Variants in XKR9 observed in about 807,000 individuals in gnomAD.
The protein encoded by XKR9 is XK related 9, also known as XK-related protein 9.
Under a neutral mutation model 32.0 loss-of-function variants are expected in XKR9, and 32 were observed. The observed-to-expected ratio is 1.00, with a 90% CI of 0.76 to 1.34. XKR9 has a LOEUF of 1.34. Among genes scored for constraint, XKR9 ranks in the 40% most tolerant of loss-of-function variants. XKR9 has a pLI of 0.00. For synonymous variants in XKR9, 168 were observed against 143.4 expected, an observed-to-expected ratio of 1.17 and a Z score of -1.22; for missense variants, 546 against 429.7, an observed-to-expected ratio of 1.27 and a Z score of -2.39.
At chr8:70,769,063 G>A (rs999866099) in intron 2 of XKR9, among the ~76,000 whole-genome samples, 1 of 152,002 alleles carries the variant, frequency 6.6e-6, no homozygotes, top group African/African-American at 2.4e-5. Flanking sequence ...ATAGTGGCTG[G>A]TACCTGTTTT....
chr8:70,872,012 C>T, the XKR9 span, among the ~76,000 whole-genome samples: 5 of 152,178 alleles, frequency 3.3e-5, no homozygotes, highest in African/African-American at 4.8e-5. Flanking sequence ...CACATCATTG[C>T]TATGGAACTG....
intron 4 of XKR9, among the ~76,000 whole-genome samples, chr8:70,710,072 G>A (rs1373326122): frequency 6.6e-6 from 1 of 152,164 alleles, no homozygotes; most frequent in Non-Finnish European, 1.5e-5. Flanking sequence ...AAAACAGCAT[G>A]ATAGTGGTAT....
the XKR9 span, among the ~76,000 whole-genome samples, chr8:70,949,402 A>G: frequency 5.1e-4 from 77 of 152,164 alleles, 1 homozygote; most frequent in South Asian, 0.016. Context: ...ATGAAGATTT[A>G]GTATGCTTTA....
the XKR9 span, among the ~76,000 whole-genome samples, chr8:70,862,494 G>A: frequency 6.7e-6 from 1 of 148,162 alleles, no homozygotes; most frequent in Admixed American, 6.7e-5. Context: ...TAGATGAATT[G>A]GGCCAGTACA....
chr8:70,905,981 C>A, the XKR9 span, among the ~76,000 whole-genome samples: 4 of 152,222 alleles, frequency 2.6e-5, no homozygotes, highest in African/African-American at 9.6e-5. Context: ...GCTGATCCTT[C>A]TTCTGGAAGC....
chr8:70,817,238 C>T, the XKR9 span, among the ~76,000 whole-genome samples: 1 of 152,004 alleles, frequency 6.6e-6, no homozygotes, highest in African/African-American at 2.4e-5. Flanking sequence ...AAAGATTACA[C>T]CAAAAGCCTC....
chr8:70,857,922 A>G, the XKR9 span, among the ~76,000 whole-genome samples: 2 of 152,040 alleles, frequency 1.3e-5, no homozygotes, highest in Admixed American at 1.3e-4. Context: ...ACAATGCTTC[A>G]TCCTAAAAAC....
chr8:70,758,561 G>C (rs1173720240), intron 2 of XKR9, among the ~76,000 whole-genome samples: 1 of 152,092 alleles, frequency 6.6e-6, no homozygotes, highest in Admixed American at 6.6e-5. Flanking sequence ...TAAAAAATAT[G>C]GGATTACCCA....
chr8:70,752,956 CA>C (rs570466845), intron 2 of XKR9, among the ~76,000 whole-genome samples: 46 of 152,218 alleles, frequency 3.0e-4, no homozygotes, highest in African/African-American at 8.9e-4. Context: ...AAAAACCCTT[CA>C]AAAAATTAAT....
At chr8:70,941,823 TAA>T in the XKR9 span, among the ~76,000 whole-genome samples, 1 of 152,158 alleles carries the variant, frequency 6.6e-6, no homozygotes, top group Non-Finnish European at 1.5e-5. Context: ...AAAATCAGCC[TAA>T]GAGTCTACCT....
chr8:70,681,169 G>A lies in XKR9; in HGVS notation c.111G>A (p.Gln37=), dbSNP rs777811008. ...WVSVRFFHEG[Q]YVFSALALSF... ...CTGTCAGATTTTTCCATGAAGGACA[G>A]TATGTTTTTAGTGCTTTAGCGTTAA... The change falls in exon 3 of 5, where the codon CAG becomes CAA. Residue 37 remains glutamine (Q), a synonymous_variant. Transcript: ENST00000408926. 6.2e-6 allele frequency: 10 copies of A among 1,613,448 alleles called. No individual in the cohort carries two copies. Among genetic ancestry groups the A allele is most frequent in the Middle Eastern group, 1.6e-4 (1 of 6,080 alleles).
the XKR9 span, among the ~76,000 whole-genome samples, chr8:70,976,903 A>C: frequency 3.9e-5 from 6 of 152,036 alleles, no homozygotes; most frequent in Non-Finnish European, 7.4e-5. Context: ...AGAGCCTGTT[A>C]TTGGTCTATT....
intron 2 of XKR9, among the ~76,000 whole-genome samples, chr8:70,741,234 G>C (rs1355917048): frequency 6.6e-6 from 1 of 152,152 alleles, no homozygotes; most frequent in Admixed American, 6.5e-5. Flanking sequence ...AGGTTATCAG[G>C]GTGGGTTCTC....
At chr8:71,006,003 T>C in the XKR9 span, among the ~76,000 whole-genome samples, 1 of 152,262 alleles carries the variant, frequency 6.6e-6, no homozygotes, top group African/African-American at 2.4e-5. Context: ...GGGTTATTAG[T>C]TGCATGACTT....
chr8:70,978,245 G>T, the XKR9 span, among the ~76,000 whole-genome samples: 9 of 151,690 alleles, frequency 5.9e-5, no homozygotes, highest in Non-Finnish European at 1.3e-4. Context: ...TTTAAGGTTA[G>T]TATTGTTATG....
chr8:71,043,314 C>A, the XKR9 span, among the ~76,000 whole-genome samples: 1 of 152,142 alleles, frequency 6.6e-6, no homozygotes, highest in Non-Finnish European at 1.5e-5. Context: ...AGCCCCACAC[C>A]ATGTTTTGGA....
chr8:71,027,952 T>G, the XKR9 span, among the ~76,000 whole-genome samples: 6 of 152,080 alleles, frequency 3.9e-5, no homozygotes, highest in African/African-American at 1.4e-4. Context: ...AAAAATTTTT[T>G]TTGTAGAGAC....
At chr8:70,699,465 T>A (rs268603) in intron 3 of XKR9, among the ~76,000 whole-genome samples, 148,811 of 152,040 alleles carry the variant, frequency 0.98, 72,849 homozygotes, top group Middle Eastern at 1. Flanking sequence ...TGGATATGAA[T>A]TTCTGGGTTG....
chr8:70,982,449 G>T, the XKR9 span, among the ~76,000 whole-genome samples: 1 of 152,074 alleles, frequency 6.6e-6, no homozygotes, highest in Non-Finnish European at 1.5e-5. Context: ...GAGTCATGCA[G>T]GTCACCAGGG....
Sources: gnomAD v4.1 joint callset for allele counts (sites outside exome capture counted in the v4.1 genomes callset) on GRCh38, gnomAD v4.1.1 for gene constraint, MANE v1.5 for transcripts, NCBI Gene and HGNC (gene_info 2026-07-23, HGNC 2026-07-21) for gene names.